Variants in MBNL3 observed in about 807,000 individuals in gnomAD.
The protein encoded by MBNL3 is muscleblind like splicing regulator 3, also known as muscleblind-like protein 3.
Under a neutral mutation model 24.5 loss-of-function variants are expected in MBNL3, and 6 were observed. The ratio of observed to expected loss-of-function variants is 0.25; its 90% CI spans 0.13 to 0.48. The LOEUF is 0.48. MBNL3 is among the 20% of genes least tolerant of loss of function. MBNL3 has a pLI of 0.99. For missense variants in MBNL3, 230 were observed against 293.5 expected, an observed-to-expected ratio of 0.78 and a Z score of 1.58; for synonymous variants, 100 against 101.7, an observed-to-expected ratio of 0.98 and a Z score of 0.10.
chrX:132,470,309 C>T (rs919852280), intron 1 of MBNL3, among the ~76,000 whole-genome samples: 2 of 110,945 alleles, frequency 1.8e-5, no homozygotes, highest in Admixed American at 1.9e-4. Flanking sequence ...GAGTTATATC[C>T]TCAGCACCTA....
At chrX:132,470,358 C>G (rs189506257) in intron 1 of MBNL3, among the ~76,000 whole-genome samples, 1 of 109,387 alleles carries the variant, frequency 9.1e-6, no homozygotes, top group African/African-American at 3.3e-5. Context: ...CAATAAAGTA[C>G]GTTGAATGAA....
At chrX:132,443,743 AAT>A (rs1945510127) in intron 1 of MBNL3, among the ~76,000 whole-genome samples, 1 of 111,616 alleles carries the variant, frequency 9.0e-6, no homozygotes, top group African/African-American at 3.3e-5. Flanking sequence ...ATGATTTAAG[AAT>A]ACTCTTAAAC....
intron 1 of MBNL3, among the ~76,000 whole-genome samples, chrX:132,447,481 G>A (rs1945791676): frequency 9.0e-6 from 1 of 111,491 alleles, no homozygotes; most frequent in Non-Finnish European, 1.9e-5. Context: ...TCCCTTGTGA[G>A]TTCGATTCCT....
At chrX:132,460,881 C>T (rs1946595687) in intron 1 of MBNL3, among the ~76,000 whole-genome samples, 1 of 110,509 alleles carries the variant, frequency 9.0e-6, no homozygotes, top group African/African-American at 3.3e-5. Context: ...CACCATGAGT[C>T]CCCAAAATCC....
intron 2 of MBNL3, 64 bp from the exon 3 acceptor site, chrX:132,406,456 T>A (rs983107925): frequency 9.8e-7 from 1 of 1,016,312 alleles, no homozygotes; most frequent in Non-Finnish European, 1.3e-6. Flanking sequence ...AATTTTGGAC[T>A]CCATTATCTG....
Position 132,406,250 on chromosome X carries a change from T to G in MBNL3, c.320A>C (p.Gln107Pro). 1 of 1,211,719 alleles carries G rather than the reference T, an allele frequency of 8.3e-7. No homozygotes were observed. The highest frequency in any genetic ancestry group is 1.1e-6 in the Non-Finnish European group (1 of 895,467). ...MFAQQMQLML[Q>P]NAQMSSLGSF... ...TACAAGTGATGACATTTGAGCGTTT[T>G]GGAGCATAAGCTGCATCTGCTGGGC... The change falls in exon 3 of 9, where the codon CAA (glutamine) becomes CCA (proline). Residue 107 changes from glutamine (Q) to proline (P), a missense_variant. Coordinates refer to ENST00000370853, the MANE Select transcript of MBNL3 (RefSeq NM_001386889.1).
intron 3 of MBNL3, among the ~76,000 whole-genome samples, chrX:132,396,546 C>CTATATATTCCTATATATATTCCTA (rs1201757852): frequency 9.4e-4 from 28 of 29,891 alleles, no homozygotes; most frequent in Non-Finnish European, 1.1e-3. Context: ...ATATATATTC[C>CTATATATTCCTATATATATTCCTA]TATATATTCC....
rs757562256 is a variant in MBNL3 at position 132,397,950 on chromosome X, AAC to A, written c.343-5618_343-5617del. Among the ~76,000 whole-genome samples the A allele has an allele frequency of 9.1e-3, 1,009 of 111,223 alleles. 6 individuals carry two copies. Among genetic ancestry groups the A allele is most frequent in the African/African-American group, 0.031 (951 of 30,634 alleles). ...TCAATAATTGAGAGTTAACTTTAAA[AAC>A]AGATGCAAGCTGATAGTGGTGTTTA... On this transcript the variant is annotated intron_variant, in intron 3 of 8. Coordinates refer to ENST00000370853, the MANE Select transcript of MBNL3 (RefSeq NM_001386889.1).
intron 2 of MBNL3, among the ~76,000 whole-genome samples, chrX:132,407,895 T>C (rs1942071776): frequency 1.8e-5 from 2 of 109,603 alleles, no homozygotes; most frequent in African/African-American, 3.3e-5. Context: ...TTTATACTTC[T>C]ACTTCAGGGT....
intron 4 of MBNL3, 144 bp downstream of exon 4, chrX:132,391,999 G>T: frequency 2.3e-6 from 1 of 431,755 alleles, no homozygotes; most frequent in Non-Finnish European, 3.9e-6. Flanking sequence ...AGGTATGATT[G>T]CAGTACTAAA....
At chrX:132,438,879 T>C (rs1380746930) in intron 2 of MBNL3, among the ~76,000 whole-genome samples, 1 of 108,364 alleles carries the variant, frequency 9.2e-6, no homozygotes, top group Non-Finnish European at 1.9e-5. Flanking sequence ...GCAATACGTT[T>C]AAGTTAAAGG....
chrX:132,453,336 T>TA (rs1170265423), intron 1 of MBNL3, among the ~76,000 whole-genome samples: 1 of 111,384 alleles, frequency 9.0e-6, no homozygotes, highest in Non-Finnish European at 1.9e-5. Flanking sequence ...AGAGTCAGAG[T>TA]AAAGTTCATG....
intron 2 of MBNL3, among the ~76,000 whole-genome samples, chrX:132,420,864 A>G (rs940482890): frequency 4.5e-5 from 5 of 110,481 alleles, no homozygotes; most frequent in African/African-American, 1.4e-4. Flanking sequence ...TAATAGTTCT[A>G]AAGACAATAT....
intron 1 of MBNL3, among the ~76,000 whole-genome samples, chrX:132,441,603 A>G (rs1378490173): frequency 8.9e-6 from 1 of 112,281 alleles, no homozygotes; most frequent in Non-Finnish European, 1.9e-5. Flanking sequence ...TCACAATGTG[A>G]TGACCACTCT....
At chrX:132,423,573 C>T (rs774847297) in intron 2 of MBNL3, among the ~76,000 whole-genome samples, 225 of 112,089 alleles carry the variant, frequency 2.0e-3, no homozygotes, top group African/African-American at 6.7e-3. Flanking sequence ...CAATAGATTA[C>T]TAAACCTCAA....
At chrX:132,478,554 C>T (rs1471118622) in intron 1 of MBNL3, among the ~76,000 whole-genome samples, 1 of 112,101 alleles carries the variant, frequency 8.9e-6, no homozygotes, top group Non-Finnish European at 1.9e-5. Context: ...ACCTTTCTGA[C>T]GGCAACAAAT....
intron 2 of MBNL3, among the ~76,000 whole-genome samples, chrX:132,427,880 G>A (rs922391854): frequency 3.6e-5 from 4 of 111,503 alleles, no homozygotes; most frequent in African/African-American, 1.3e-4. Flanking sequence ...TGGAATTAAA[G>A]GGAATTTGTC....
chrX:132,483,221 A>G (rs1206583780), intron 1 of MBNL3, among the ~76,000 whole-genome samples: 1 of 112,054 alleles, frequency 8.9e-6, no homozygotes, highest in African/African-American at 3.3e-5. Flanking sequence ...AGCACCCCCA[A>G]CTGGGCCATT....
chrX:132,392,635 A>G (rs1406250548), intron 3 of MBNL3, among the ~76,000 whole-genome samples: 1 of 112,005 alleles, frequency 8.9e-6, no homozygotes, highest in Non-Finnish European at 1.9e-5. Flanking sequence ...GTTTCCTCCA[A>G]CTCTTTCTTT....
Sources: allele counts gnomAD v4.1 joint callset (sites outside exome capture counted in the v4.1 genomes callset), GRCh38; gene constraint gnomAD v4.1.1; transcripts MANE v1.5; gene names NCBI Gene and HGNC (gene_info 2026-07-23, HGNC 2026-07-21).